The following HPSE2 variants were observed in gnomAD, a reference collection of about 807,000 sequenced individuals.
The protein encoded by HPSE2 is heparanase 2 (inactive), also known as inactive heparanase-2.
In HPSE2, 38 loss-of-function variants were observed where a neutral mutation model predicts 60.5. That is an observed-to-expected ratio of 0.63 (90% CI 0.48 to 0.82). The LOEUF is 0.82. Among genes scored for constraint, HPSE2 ranks in the 40% least tolerant of loss-of-function variants. The probability of loss-of-function intolerance (pLI) is 0.00; values close to 1 mark genes in which losing one functional copy is unlikely to be tolerated. For missense variants in HPSE2, 713 were observed against 740.4 expected (o/e 0.96, Z 0.43); for synonymous variants, 295 against 293.2 (o/e 1.01, Z -0.06).
At position 98,614,772 on chromosome 10, in the gene HPSE2, A is replaced by G. The variant is rs1945857877; in HGVS notation, c.1320+132T>C. ...ACGGATCAAGGGAACAAAGACAGGA[A>G]TGTTTCTGTTCAATGAATGAAATTA... On this transcript the variant is annotated intron_variant, in intron 9 of 11. Transcript: ENST00000370552. The G allele has an allele frequency of 4.1e-6, 3 of 730,780 alleles. No individual in the cohort carries two copies. In the East Asian group the frequency reaches 8.0e-5, roughly 19 times the overall value. The allele number at this position is 730,780 out of a possible 1,614,324, so 45.3% of individuals were successfully genotyped here.
At chr10:98,867,002 A>G (rs1237893787) in intron 3 of HPSE2, among the ~76,000 whole-genome samples, 5 of 152,208 alleles carry the variant, frequency 3.3e-5, no homozygotes, top group African/African-American at 1.2e-4. Context: ...TTGAGCAACC[A>G]GACAATAAAG....
intron 2 of HPSE2, among the ~76,000 whole-genome samples, chr10:99,199,475 C>T (rs553360494): frequency 6.6e-6 from 1 of 151,788 alleles, no homozygotes; most frequent in African/African-American, 2.4e-5. Context: ...AATAAGGGTC[C>T]GATTTTATTC....
intron 3 of HPSE2, among the ~76,000 whole-genome samples, chr10:98,995,166 G>A (rs549607210): frequency 5.9e-5 from 9 of 152,206 alleles, no homozygotes; most frequent in African/African-American, 1.9e-4. Flanking sequence ...TCTCCTAAAT[G>A]ATCTGTTCAA....
At chr10:99,165,228 A>T (rs1231094799) in intron 2 of HPSE2, among the ~76,000 whole-genome samples, 2 of 152,100 alleles carry the variant, frequency 1.3e-5, no homozygotes, top group African/African-American at 4.8e-5. Context: ...TAGTTTCAGA[A>T]TTGCTAACCC....
At chr10:98,964,503 A>C in intron 3 of HPSE2, among the ~76,000 whole-genome samples, 1 of 152,088 alleles carries the variant, frequency 6.6e-6, no homozygotes, top group East Asian at 1.9e-4. Context: ...TTCTTAATGC[A>C]CCTTCCTTCC....
intron 3 of HPSE2, among the ~76,000 whole-genome samples, chr10:99,099,993 T>C (rs1386944014): frequency 6.6e-6 from 1 of 152,116 alleles, no homozygotes; most frequent in Non-Finnish European, 1.5e-5. Flanking sequence ...CCCATCTGTA[T>C]GTCACCATCA....
chr10:98,475,759 A>ACTT (rs916418062), intron 11 of HPSE2, among the ~76,000 whole-genome samples: 3 of 152,138 alleles, frequency 2.0e-5, no homozygotes, highest in Non-Finnish European at 2.9e-5. Flanking sequence ...GGAATTCCCC[A>ACTT]CTTCTTCTGG....
At chr10:98,541,193 T>C (rs34622756) in intron 9 of HPSE2, among the ~76,000 whole-genome samples, 2,500 of 152,346 alleles carry the variant, frequency 0.016, 29 homozygotes, top group Non-Finnish European at 0.027. Flanking sequence ...CTCTAGTGTT[T>C]CATTGTTAAA....
intron 3 of HPSE2, among the ~76,000 whole-genome samples, chr10:98,914,463 C>T (rs1446943283): frequency 6.6e-6 from 1 of 151,504 alleles, no homozygotes; most frequent in Non-Finnish European, 1.5e-5. Flanking sequence ...ATTTAGTATC[C>T]GTTGGGGCAT....
intron 7 of HPSE2, among the ~76,000 whole-genome samples, chr10:98,622,604 C>T (rs904564303): frequency 3.3e-5 from 5 of 152,126 alleles, no homozygotes; most frequent in South Asian, 2.1e-4. Flanking sequence ...TTATTTGGAA[C>T]ATATTTTGGG....
chr10:98,868,597 A>C (rs1478319847), intron 3 of HPSE2, among the ~76,000 whole-genome samples: 1 of 152,134 alleles, frequency 6.6e-6, no homozygotes, highest in Non-Finnish European at 1.5e-5. Context: ...CCTGTACCAA[A>C]ATATCTCATG....
At chr10:98,986,061 C>T (rs11189919) in intron 3 of HPSE2, among the ~76,000 whole-genome samples, 72,447 of 151,936 alleles carry the variant, frequency 0.48, 19,332 homozygotes, top group East Asian at 0.62. Context: ...TAACACCCCA[C>T]TGTCGACACT....
At chr10:99,133,409 C>G (rs1308408528) in intron 3 of HPSE2, among the ~76,000 whole-genome samples, 1 of 152,210 alleles carries the variant, frequency 6.6e-6, no homozygotes, top group African/African-American at 2.4e-5. Context: ...ACTGCCGCCT[C>G]AAGTGGGTCC....
intron 3 of HPSE2, among the ~76,000 whole-genome samples, chr10:99,132,188 AG>A (rs1845433405): frequency 1.5e-4 from 2 of 13,628 alleles, no homozygotes; most frequent in Non-Finnish European, 5.6e-4. Context: ...AAAGAAAGAA[AG>A]AAAGAGAGAG....
At chr10:99,304,824 T>A in the HPSE2 span, among the ~76,000 whole-genome samples, 1 of 152,202 alleles carries the variant, frequency 6.6e-6, no homozygotes, top group Non-Finnish European at 1.5e-5. Context: ...TGAAACTTTT[T>A]ATAGACACAT....
chr10:99,184,819 T>TATATATATATATATAG (rs1554912295), intron 2 of HPSE2, among the ~76,000 whole-genome samples: 2 of 19,862 alleles, frequency 1.0e-4, no homozygotes, highest in African/African-American at 1.7e-4. Context: ...TATATATATA[T>TATATATATATATATAG]AGAGAGAGAG....
intron 3 of HPSE2, among the ~76,000 whole-genome samples, chr10:99,001,463 C>T (rs1956775556): frequency 6.6e-6 from 1 of 152,108 alleles, no homozygotes; most frequent in Non-Finnish European, 1.5e-5. Context: ...AGTCCTAGTG[C>T]TACCAACAAG....
intron 9 of HPSE2, among the ~76,000 whole-genome samples, chr10:98,545,759 C>A (rs1474343573): frequency 6.6e-6 from 1 of 151,642 alleles, no homozygotes; most frequent in Non-Finnish European, 1.5e-5. Context: ...GGGATGCCCT[C>A]TCTCACCACT....
chr10:99,268,457 C>T, the HPSE2 span, among the ~76,000 whole-genome samples: 3 of 151,940 alleles, frequency 2.0e-5, no homozygotes, highest in Non-Finnish European at 4.4e-5. Context: ...GCCTGGCCAA[C>T]ATGGTGAAAC....
Sources: allele counts gnomAD v4.1 joint callset (sites outside exome capture counted in the v4.1 genomes callset), GRCh38; gene constraint gnomAD v4.1.1; transcripts MANE v1.5; gene names NCBI Gene and HGNC (gene_info 2026-07-23, HGNC 2026-07-21).